The following TBC1D22A variants were observed in gnomAD, a reference collection of about 807,000 sequenced individuals.
TBC1D22A encodes the protein putative GTPase activator.
A neutral mutation model predicts 60.2 loss-of-function variants in TBC1D22A; 38 were observed. The observed-to-expected ratio is 0.63, with a 90% confidence interval of 0.49 to 0.83. The LOEUF (loss-of-function observed/expected upper bound fraction) is 0.83, where lower values mean the gene tolerates loss of function less well. Among genes scored for constraint, TBC1D22A ranks in the 40% least tolerant of loss-of-function variants. The pLI is 0.00. For missense variants in TBC1D22A, 628 were observed against 701.0 expected, an observed-to-expected ratio of 0.90 and a Z score of 1.18; for synonymous variants, 302 against 281.7, an observed-to-expected ratio of 1.07 and a Z score of -0.72.
intron 11 of TBC1D22A, among the ~76,000 whole-genome samples, chr22:47,107,528 A>G (rs1454434019): frequency 6.6e-6 from 1 of 152,262 alleles, no homozygotes; most frequent in Non-Finnish European, 1.5e-5. Flanking sequence ...CTAAAAACAG[A>G]TATAATAGAC....
At chr22:47,121,039 T>G (rs181510046) in intron 12 of TBC1D22A, among the ~76,000 whole-genome samples, 8 of 152,310 alleles carry the variant, frequency 5.3e-5, no homozygotes, top group Non-Finnish European at 8.8e-5. Flanking sequence ...TGCAGAGAAC[T>G]CACACAAATA....
intron 9 of TBC1D22A, among the ~76,000 whole-genome samples, chr22:46,993,806 G>A (rs1471787002): frequency 6.6e-6 from 1 of 152,206 alleles, no homozygotes; most frequent in African/African-American, 2.4e-5. Flanking sequence ...TGGCCACGGT[G>A]TCTGCCTCCT....
chr22:47,152,038 C>T (rs1361597432), intron 12 of TBC1D22A, among the ~76,000 whole-genome samples: 2 of 152,192 alleles, frequency 1.3e-5, no homozygotes, highest in Non-Finnish European at 2.9e-5. Context: ...GTGAGGGTTC[C>T]TCTGGGCTGT....
chr22:46,892,485 C>T (rs2068456119), intron 6 of TBC1D22A, among the ~76,000 whole-genome samples: 1 of 152,006 alleles, frequency 6.6e-6, no homozygotes, highest in Admixed American at 6.5e-5. Context: ...CCGGAGCTGC[C>T]CCTGGCCCGT....
At chr22:46,807,266 A>AT (rs199776857) in intron 4 of TBC1D22A, among the ~76,000 whole-genome samples, 2 of 151,928 alleles carry the variant, frequency 1.3e-5, no homozygotes, top group Admixed American at 1.3e-4. Flanking sequence ...TGTGATGGTG[A>AT]TGGTGATGAT....
intron 8 of TBC1D22A, among the ~76,000 whole-genome samples, chr22:46,942,088 G>A (rs1471343888): frequency 4.1e-5 from 6 of 147,866 alleles, no homozygotes; most frequent in Admixed American, 6.8e-5. Flanking sequence ...ACTAGCATAC[G>A]TATATAAATA....
In TBC1D22A at chr22:47,017,013, T is replaced by G. The variant is rs913433271; in HGVS notation, c.1201+19304T>G. On this transcript the variant is annotated intron_variant, in intron 10 of 12. Coordinates refer to ENST00000337137, the MANE Select transcript of TBC1D22A (RefSeq NM_014346.5). ...GATGGTCGCCGATGGCGGCTTTTTCTAACTCTAGTTTTCCTCCATTTGTTA... is the reference window on the plus strand; with the variant it reads ...GATGGTCGCCGATGGCGGCTTTTTCGAACTCTAGTTTTCCTCCATTTGTTA... 8.5e-5 allele frequency among the ~76,000 whole-genome samples: 13 copies of G among 152,264 alleles called. No homozygotes were observed. The South Asian group carries it at 2.1e-3, about 24-fold the overall frequency.
chr22:47,132,247 T>C (rs966432055), intron 12 of TBC1D22A, among the ~76,000 whole-genome samples: 2 of 152,138 alleles, frequency 1.3e-5, no homozygotes, highest in Non-Finnish European at 2.9e-5. Flanking sequence ...GGCCTGGCGG[T>C]TGCACCCCAT....
At chr22:46,975,249 G>A (rs1204484853) in intron 9 of TBC1D22A, among the ~76,000 whole-genome samples, 5 of 152,132 alleles carry the variant, frequency 3.3e-5, no homozygotes, top group Admixed American at 2.0e-4. Flanking sequence ...GGCCTGCTCC[G>A]GAAGCTCACT....
At position 46,943,950 on chromosome 22, in the gene TBC1D22A, C is replaced by G. The variant is rs148595866; in HGVS notation, c.1016-30340C>G. ...GACCACGTCTTGTTTATCCATTCATCAATGGATGGACATTTGGGTTGTTTG... is the reference window on the plus strand; with the variant it reads ...GACCACGTCTTGTTTATCCATTCATGAATGGATGGACATTTGGGTTGTTTG... On this transcript the variant is annotated intron_variant, in intron 8 of 12. Transcript: ENST00000337137. 9.1e-4 allele frequency among the ~76,000 whole-genome samples: 138 copies of G among 152,274 alleles called. 1 individual carries two copies. Among genetic ancestry groups the G allele is most frequent in the African/African-American group, 3.1e-3 (130 of 41,560 alleles).
intron 12 of TBC1D22A, among the ~76,000 whole-genome samples, chr22:47,155,061 G>A (rs529944544): frequency 5.2e-4 from 79 of 152,324 alleles, no homozygotes; most frequent in African/African-American, 1.8e-3. Context: ...ACGAAGGGCT[G>A]CGCCAGGATT....
intron 4 of TBC1D22A, among the ~76,000 whole-genome samples, chr22:46,848,011 C>A (rs969404831): frequency 6.6e-6 from 1 of 152,108 alleles, no homozygotes; most frequent in Admixed American, 6.5e-5. Context: ...GCAAACACTT[C>A]TTGAGCAGCA....
intron 10 of TBC1D22A, among the ~76,000 whole-genome samples, chr22:47,036,393 G>T (rs528368520): frequency 6.6e-6 from 1 of 152,316 alleles, no homozygotes; most frequent in South Asian, 2.1e-4. Flanking sequence ...GGAGCACGGG[G>T]TCTGAGCTGA....
intron 1 of TBC1D22A, among the ~76,000 whole-genome samples, chr22:46,765,305 G>A (rs1488438355): frequency 2.0e-5 from 3 of 152,170 alleles, no homozygotes; most frequent in East Asian, 3.8e-4. Context: ...AGGGGTGCCC[G>A]TTTTCCTATC....
intron 11 of TBC1D22A, among the ~76,000 whole-genome samples, chr22:47,085,590 C>T (rs1193374495): frequency 6.6e-6 from 1 of 152,012 alleles, no homozygotes; most frequent in Non-Finnish European, 1.5e-5. Flanking sequence ...TAAAAAATGA[C>T]TAAGGAAAAT....
chr22:47,046,128 G>A (rs1199863157), intron 11 of TBC1D22A, among the ~76,000 whole-genome samples: 1 of 152,202 alleles, frequency 6.6e-6, no homozygotes, highest in Non-Finnish European at 1.5e-5. Flanking sequence ...GTCTACCTGT[G>A]GGTGTCTGTG....
At chr22:47,015,247 T>C (rs888260358) in intron 10 of TBC1D22A, among the ~76,000 whole-genome samples, 14 of 152,268 alleles carry the variant, frequency 9.2e-5, no homozygotes, top group South Asian at 2.1e-4. Flanking sequence ...CAGGATGCGG[T>C]TCCTGGCGCA....
At chr22:46,926,742 A>G (rs2071070886) in intron 8 of TBC1D22A, among the ~76,000 whole-genome samples, 2 of 152,194 alleles carry the variant, frequency 1.3e-5, no homozygotes, top group Admixed American at 6.5e-5. Flanking sequence ...AGACTGCCTC[A>G]CGGGAAATCC....
chr22:46,880,001 G>A (rs1338400036), intron 5 of TBC1D22A, among the ~76,000 whole-genome samples: 1 of 152,186 alleles, frequency 6.6e-6, no homozygotes, highest in Non-Finnish European at 1.5e-5. Context: ...AGGAGGGCAG[G>A]TGGGTGTAGG....
Sources: gnomAD v4.1 joint callset for allele counts (sites outside exome capture counted in the v4.1 genomes callset) on GRCh38, gnomAD v4.1.1 for gene constraint, MANE v1.5 for transcripts, NCBI Gene and HGNC (gene_info 2026-07-23, HGNC 2026-07-21) for gene names.